ZCCHC2: variants seen among roughly 807,000 people sequenced by gnomAD.
ZCCHC2 encodes zinc finger CCHC-type containing 2, also known as zinc finger CCHC domain-containing protein 2.
In ZCCHC2, 39 loss-of-function variants were observed where a neutral mutation model predicts 103.6. The observed-to-expected ratio is 0.38, with a 90% CI of 0.29 to 0.49. The LOEUF is 0.49. Ranked by LOEUF, ZCCHC2 falls within the 20% of genes least tolerant of loss-of-function variation. The pLI, the probability that ZCCHC2 is intolerant of heterozygous loss-of-function variation, is 0.96. For missense variants in ZCCHC2, 1,483 were observed against 1,491.0 expected (o/e 0.99, Z 0.09); for synonymous variants, 687 against 608.9 (o/e 1.13, Z -1.89).
At chr18:62,559,740 T>C (rs1916037474) in intron 7 of ZCCHC2, among the ~76,000 whole-genome samples, 1 of 152,204 alleles carries the variant, frequency 6.6e-6, no homozygotes, top group Non-Finnish European at 1.5e-5. Context: ...AGTAATGTTA[T>C]AAATAAATAA....
intron 12 of ZCCHC2, among the ~76,000 whole-genome samples, chr18:62,572,616 G>A (rs1421890612): frequency 6.6e-6 from 1 of 152,096 alleles, no homozygotes; most frequent in African/African-American, 2.4e-5. Context: ...GGTAGTGATG[G>A]TATTTCTGTT....
chr18:62,562,529 A>G (rs1253277294), intron 8 of ZCCHC2, among the ~76,000 whole-genome samples: 1 of 151,790 alleles, frequency 6.6e-6, no homozygotes, highest in Non-Finnish European at 1.5e-5. Context: ...CAAAATCCTC[A>G]GTATTGTATT....
intron 1 of ZCCHC2, among the ~76,000 whole-genome samples, chr18:62,531,427 T>G (rs1187847784): frequency 4.6e-5 from 7 of 152,214 alleles, no homozygotes; most frequent in African/African-American, 1.7e-4. Flanking sequence ...AGTCATTTAT[T>G]TGAGGTCAGA....
chr18:62,577,972 AT>A lies in ZCCHC2; in HGVS notation c.*1398del, dbSNP rs1021007719. 12 of 152,598 alleles carry A rather than the reference AT, an allele frequency of 7.9e-5. No individual in the cohort carries two copies. Among genetic ancestry groups the A allele is most frequent in the African/African-American group, 2.9e-4 (12 of 41,410 alleles). The allele number at this position is 152,598 out of a possible 1,614,324, so 9.5% of individuals were successfully genotyped here. On this transcript the variant is annotated 3_prime_UTR_variant, in exon 14 of 14. Coordinates refer to ENST00000269499, the MANE Select transcript of ZCCHC2 (RefSeq NM_017742.6). ...CCTCAGCACAGAGCAGAAATGATAG[AT>A]TTTTATTGTTTGGAGTAACGTTGGT...
At chr18:62,561,983 C>T (rs937885652) in intron 8 of ZCCHC2, among the ~76,000 whole-genome samples, 1 of 151,880 alleles carries the variant, frequency 6.6e-6, no homozygotes, top group African/African-American at 2.4e-5. Context: ...CACCATGTCC[C>T]GTGGTTTTTT....
chr18:62,526,554 T>G (rs146580602), intron 1 of ZCCHC2, among the ~76,000 whole-genome samples: 1 of 152,244 alleles, frequency 6.6e-6, no homozygotes, highest in East Asian at 1.9e-4. Context: ...AGGCCGCTGA[T>G]GTGGGTGGGC....
At position 62,523,359 on chromosome 18, in the gene ZCCHC2, C is replaced by CGCCTGTTGCTGGTGGAG; in HGVS notation, c.-66_-65insGCCTGTTGCTGGTGGAG. 1.0e-6 allele frequency: 1 copy of CGCCTGTTGCTGGTGGAG among 1,002,850 alleles called. No individual in the cohort carries two copies. The highest frequency in any genetic ancestry group is 1.2e-6 in the Non-Finnish European group (1 of 842,758). The allele number at this position is 1,002,850 out of a possible 1,614,324, so 62.1% of individuals were successfully genotyped here. The stretch of plus-strand genomic sequence containing the variant: ...CTGACGGCCGCGCCGCCGCCTCGGC[C>CGCCTGTTGCTGGTGGAG]CGTGCTCCACCTCGCGGCCCCTCCC... On this transcript the variant is annotated 5_prime_UTR_variant, in exon 1 of 14. Coordinates refer to ENST00000269499, the MANE Select transcript of ZCCHC2 (RefSeq NM_017742.6).
chr18:62,560,691 A>G (rs753785940), intron 8 of ZCCHC2, 47 bp downstream of exon 8: 14 of 1,446,224 alleles, frequency 9.7e-6, no homozygotes, highest in Admixed American at 1.8e-5. Flanking sequence ...TATGTTTTAA[A>G]ATCAATGTAA....
chr18:62,556,100 C>A, intron 5 of ZCCHC2, 103 bp from the exon 6 acceptor site: 2 of 804,970 alleles, frequency 2.5e-6, no homozygotes, highest in Non-Finnish European at 3.9e-6. Flanking sequence ...TTTTTCCATA[C>A]CTGAATTAAA....
chr18:62,583,785 G>A (rs1419427837), intron 14 of ZCCHC2, among the ~76,000 whole-genome samples: 2 of 152,050 alleles, frequency 1.3e-5, no homozygotes, highest in African/African-American at 2.4e-5. Flanking sequence ...ACGTAGTCAC[G>A]ACATCTCTAC....
chr18:62,552,963 C>G (rs935440086), intron 5 of ZCCHC2, among the ~76,000 whole-genome samples: 2 of 151,008 alleles, frequency 1.3e-5, no homozygotes, highest in African/African-American at 4.9e-5. Context: ...TTTGATCATA[C>G]TTGGCCTCTT....
chr18:62,579,163 CTA>C (rs1163890145), downstream of ZCCHC2, among the ~76,000 whole-genome samples: 1 of 152,208 alleles, frequency 6.6e-6, no homozygotes, highest in Admixed American at 6.5e-5. Flanking sequence ...GTGCCAAACA[CTA>C]TGGTAGCAAT....
rs1331785199 is a variant in ZCCHC2, at chr18:62,556,193, T to C, written c.1314-10T>C. ...TGAAATTAACAAATCTCTTTTCTTT[T>C]TATGTGCAGGCAGCTATTTTCAAGT... On this transcript the variant is annotated splice_polypyrimidine_tract_variant and intron_variant, in intron 5 of 13. Coordinates refer to ENST00000269499, the MANE Select transcript of ZCCHC2 (RefSeq NM_017742.6). 1 of 1,582,032 alleles carries C rather than the reference T, an allele frequency of 6.3e-7. No homozygotes were observed. The highest frequency in any genetic ancestry group is 8.6e-7 in the Non-Finnish European group (1 of 1,163,014).
chr18:62,568,014 T>C (rs924803166), intron 11 of ZCCHC2, among the ~76,000 whole-genome samples: 1 of 150,926 alleles, frequency 6.6e-6, no homozygotes, highest in African/African-American at 2.4e-5. Flanking sequence ...CACTCTTCTG[T>C]TGCCAATTGT....
At chr18:62,530,829 GC>G (rs1361728057) in intron 1 of ZCCHC2, among the ~76,000 whole-genome samples, 1 of 152,184 alleles carries the variant, frequency 6.6e-6, no homozygotes, top group East Asian at 1.9e-4. Context: ...TAATTATCGT[GC>G]AGTTGTAATC....
chr18:62,541,141 C>T (rs1915155496), intron 2 of ZCCHC2, among the ~76,000 whole-genome samples: 1 of 152,190 alleles, frequency 6.6e-6, no homozygotes, highest in African/African-American at 2.4e-5. Flanking sequence ...ACAGCATACC[C>T]TCCCATCACC....
chr18:62,557,082 T>G (rs537176254), intron 6 of ZCCHC2, among the ~76,000 whole-genome samples: 21 of 152,338 alleles, frequency 1.4e-4, no homozygotes, highest in South Asian at 4.1e-4. Context: ...ACACCTGTTT[T>G]AAGGCCCAGC....
chr18:62,557,514 A>G (rs2145515152), intron 6 of ZCCHC2, among the ~76,000 whole-genome samples: 1 of 152,350 alleles, frequency 6.6e-6, no homozygotes, highest in East Asian at 1.9e-4. Context: ...AATTAAAAAT[A>G]TGACTCTTTG....
intron 1 of ZCCHC2, among the ~76,000 whole-genome samples, chr18:62,530,125 A>G (rs1042327875): frequency 1.3e-5 from 2 of 152,160 alleles, no homozygotes; most frequent in Non-Finnish European, 2.9e-5. Context: ...ATTGGGGGAT[A>G]ATTTTATATG....
Sources: allele counts gnomAD v4.1 joint callset (sites outside exome capture counted in the v4.1 genomes callset), GRCh38; gene constraint gnomAD v4.1.1; transcripts MANE v1.5; gene names NCBI Gene and HGNC (gene_info 2026-07-23, HGNC 2026-07-21).